Variants in CLVS1 observed in about 807,000 individuals in gnomAD.
The protein encoded by CLVS1 is clavesin-1.
Under a neutral mutation model 33.1 loss-of-function variants are expected in CLVS1, and 10 were observed. The ratio of observed to expected loss-of-function variants is 0.30; its 90% CI spans 0.19 to 0.51. The LOEUF is 0.51. Ranked by LOEUF, CLVS1 falls within the 20% of genes least tolerant of loss-of-function variation. The pLI is 0.97. For missense variants in CLVS1, 343 were observed against 433.4 expected, an observed-to-expected ratio of 0.79 and a Z score of 1.85; for synonymous variants, 163 against 166.1, an observed-to-expected ratio of 0.98 and a Z score of 0.14.
At chr8:61,471,006 A>G (rs1817717200) in intron 5 of CLVS1, among the ~76,000 whole-genome samples, 1 of 152,168 alleles carries the variant, frequency 6.6e-6, no homozygotes, top group Non-Finnish European at 1.5e-5. Context: ...TGTTCATGAT[A>G]GGCCTCCAGG....
intron 5 of CLVS1, among the ~76,000 whole-genome samples, chr8:61,459,494 C>T (rs931569430): frequency 5.9e-5 from 9 of 151,266 alleles, no homozygotes; most frequent in African/African-American, 2.2e-4. Flanking sequence ...TTTTATCCCT[C>T]GCCCCCCTCC....
chr8:61,321,208 G>A (rs984018288), intron 2 of CLVS1, among the ~76,000 whole-genome samples: 7 of 152,080 alleles, frequency 4.6e-5, no homozygotes, highest in African/African-American at 1.7e-4. Flanking sequence ...AATTCTGCAT[G>A]CTTCAGTAGC....
intron 1 of CLVS1, among the ~76,000 whole-genome samples, chr8:61,108,982 A>G (rs1244565644): frequency 6.6e-6 from 1 of 152,212 alleles, no homozygotes. Context: ...ATGGAGGGAA[A>G]GGGGTGAGGA....
Position 61,131,796 on chromosome 8 carries a change from G to A in CLVS1, c.-216G>A, listed in dbSNP as rs779111124. ...GCCTAATCAAGGGAATGGAAGATGAGGAGAATGAAGGCTCTGGGAATTTAT... is the reference window on the plus strand; with the variant it reads ...GCCTAATCAAGGGAATGGAAGATGAAGAGAATGAAGGCTCTGGGAATTTAT... On this transcript the variant is annotated 5_prime_UTR_variant, in exon 2 of 3. Coordinates refer to the CLVS1 transcript ENST00000522621. The A allele has an allele frequency of 2.6e-5, 4 of 152,088 alleles. No individual in the cohort carries two copies. The South Asian group carries it at 6.2e-4, about 24-fold the overall frequency. 9.4% of individuals were successfully genotyped at this position (152,088 alleles called of 1,614,324 possible).
intron 2 of CLVS1, among the ~76,000 whole-genome samples, chr8:61,354,542 A>G (rs1264618185): frequency 1.3e-5 from 2 of 152,130 alleles, no homozygotes; most frequent in Non-Finnish European, 2.9e-5. Context: ...TGTTCACAGC[A>G]CCTTTGTTTG....
chr8:61,066,666 G>A (rs920553746), intron 1 of CLVS1, among the ~76,000 whole-genome samples: 9 of 152,192 alleles, frequency 5.9e-5, no homozygotes, highest in Non-Finnish European at 1.2e-4. Flanking sequence ...GTGGGTCAAC[G>A]GAGGTTGCCC....
chr8:61,190,973 G>C (rs1807459730), intron 2 of CLVS1, among the ~76,000 whole-genome samples: 1 of 152,118 alleles, frequency 6.6e-6, no homozygotes. Context: ...CATTCCCTCT[G>C]AAACTATTCC....
chr8:61,185,899 A>G (rs1807335472), intron 2 of CLVS1, among the ~76,000 whole-genome samples: 2 of 152,236 alleles, frequency 1.3e-5, no homozygotes, highest in Non-Finnish European at 2.9e-5. Context: ...TAAAGGCTAT[A>G]CAAATGTTAG....
chr8:61,254,528 C>T (rs1809030047), intron 2 of CLVS1, among the ~76,000 whole-genome samples: 1 of 151,990 alleles, frequency 6.6e-6, no homozygotes, highest in South Asian at 2.1e-4. Context: ...GTGGAGTCTA[C>T]AGAGGCAGGC....
At chr8:61,149,569 C>CAAAA (rs1212944878) in intron 2 of CLVS1, among the ~76,000 whole-genome samples, 6 of 120,274 alleles carry the variant, frequency 5.0e-5, no homozygotes, top group Non-Finnish European at 1.0e-4. Context: ...AAAAAAAAAA[C>CAAAA]AAAAAACAAA....
upstream of CLVS1, among the ~76,000 whole-genome samples, chr8:61,285,158 G>A (rs936104296): frequency 1.3e-5 from 2 of 152,150 alleles, no homozygotes; most frequent in Non-Finnish European, 2.9e-5. Flanking sequence ...TGGGAAGAAA[G>A]TAGGCCCAAA....
chr8:61,497,960 C>T lies in CLVS1; in HGVS notation c.978-1495C>T, dbSNP rs80113757. On this transcript the variant is annotated intron_variant, in intron 5 of 5. Transcript: ENST00000325897. ...GAAGATGGCTGGAAATCACTCTCAT[C>T]GCCGTCTTGGTTTCGGTGGGTTTTG... Among the ~76,000 whole-genome samples the T allele has an allele frequency of 8.6e-3, 1,313 of 152,178 alleles. 13 individuals are homozygous for T. Among genetic ancestry groups the T allele is most frequent in the African/African-American group, 0.028 (1,177 of 41,528 alleles).
the CLVS1 span, among the ~76,000 whole-genome samples, chr8:61,011,261 A>T: frequency 6.6e-6 from 1 of 152,194 alleles, no homozygotes; most frequent in Non-Finnish European, 1.5e-5. Flanking sequence ...GTGAGACCCT[A>T]TCTCTTAAAA....
intron 2 of CLVS1, among the ~76,000 whole-genome samples, chr8:61,364,059 A>G (rs1371742): frequency 6.6e-6 from 1 of 152,354 alleles, no homozygotes; most frequent in Non-Finnish European, 1.5e-5. Flanking sequence ...GCCCAAGTTA[A>G]TCACATACTC....
At chr8:61,264,345 T>G (rs909637604) in intron 2 of CLVS1, among the ~76,000 whole-genome samples, 1 of 152,112 alleles carries the variant, frequency 6.6e-6, no homozygotes, top group Non-Finnish European at 1.5e-5. Context: ...ATACCAGATA[T>G]GCACACCGAA....
At chr8:61,029,508 G>A in the CLVS1 span, among the ~76,000 whole-genome samples, 1 of 152,098 alleles carries the variant, frequency 6.6e-6, no homozygotes. Context: ...TTCTGCCCAG[G>A]GATGGTAGAA....
chr8:61,024,388 C>A, the CLVS1 span, among the ~76,000 whole-genome samples: 1 of 152,140 alleles, frequency 6.6e-6, no homozygotes, highest in Non-Finnish European at 1.5e-5. Context: ...TAAACTATTC[C>A]CTAATTCAAA....
At chr8:61,023,021 T>C in the CLVS1 span, among the ~76,000 whole-genome samples, 1 of 152,230 alleles carries the variant, frequency 6.6e-6, no homozygotes, top group African/African-American at 2.4e-5. Context: ...GAGCAAAGTT[T>C]CTAAATGTTG....
intron 3 of CLVS1, among the ~76,000 whole-genome samples, chr8:61,413,758 G>C (rs1353656605): frequency 1.3e-5 from 2 of 152,138 alleles, no homozygotes; most frequent in Admixed American, 6.6e-5. Context: ...CAAATCTGTG[G>C]GTTGGCTACT....
Sources: allele counts gnomAD v4.1 joint callset (sites outside exome capture counted in the v4.1 genomes callset), GRCh38; gene constraint gnomAD v4.1.1; transcripts MANE v1.5; gene names NCBI Gene and HGNC (gene_info 2026-07-23, HGNC 2026-07-21).